Variants in BBS5 observed in about 807,000 individuals in gnomAD.
BBS5 encodes Bardet-Biedl syndrome 5, also known as BBSome complex member BBS5.
In BBS5, 39 loss-of-function variants were observed where a neutral mutation model predicts 50.2. The ratio of observed to expected loss-of-function variants is 0.78; its 90% CI spans 0.60 to 1.01. The LOEUF is 1.01. BBS5 is among the 50% of genes least tolerant of loss of function. The pLI is 0.00. For missense variants in BBS5, 356 were observed against 401.5 expected (o/e 0.89, Z 0.97); for synonymous variants, 134 against 133.1 (o/e 1.01, Z -0.05).
At chr2:169,479,916 C>G (rs1683359416) in intron 1 of BBS5, among the ~76,000 whole-genome samples, 1 of 152,232 alleles carries the variant, frequency 6.6e-6, no homozygotes, top group Non-Finnish European at 1.5e-5. Context: ...ACCGGGGCCA[C>G]CCGGGGCTTA....
rs181203064 is a variant in BBS5, at chr2:169,484,238, C to G, written c.142+1905C>G. 1.5e-3 allele frequency among the ~76,000 whole-genome samples: 221 copies of G among 152,156 alleles called. 1 individual carries two copies. The highest frequency in any genetic ancestry group is 5.0e-3 in the African/African-American group (207 of 41,502). On this transcript the variant is annotated intron_variant, in intron 2 of 11. Coordinates refer to ENST00000295240, the MANE Select transcript of BBS5 (RefSeq NM_152384.3). ...CTCTACAGAAAATAAAAAGAATTAG[C>G]CATGTGTGGTGTTGTGCGCCTGTGG... is the stretch of plus-strand genomic sequence containing the variant.
In BBS5 at chr2:169,505,349, A is replaced by C. The variant is rs1458431624; in HGVS notation, c.*767A>C. ...GCCTGCCTTGGCCTCCCGAAGTGCCAAGAGTGCAGCCTCTGCCCGGCCGCC... is the reference window on the plus strand; with the variant it reads ...GCCTGCCTTGGCCTCCCGAAGTGCCCAGAGTGCAGCCTCTGCCCGGCCGCC... On this transcript the variant is annotated 3_prime_UTR_variant, in exon 12 of 12. Transcript: ENST00000295240. 2 of 363,772 alleles carry C rather than the reference A, an allele frequency of 5.5e-6. No individual in the cohort carries two copies. Among genetic ancestry groups the C allele is most frequent in the Non-Finnish European group, 1.1e-5 (2 of 190,464 alleles). 22.5% of individuals were successfully genotyped at this position (363,772 alleles called of 1,614,324 possible).
In BBS5 at chr2:169,487,868, A is replaced by C. The variant is rs1220152282; in HGVS notation, c.258+13A>C. On this transcript the variant is annotated intron_variant, in intron 4 of 11. Coordinates refer to ENST00000295240, the MANE Select transcript of BBS5 (RefSeq NM_152384.3). ...GACTGCTAACTCTGTAAGTCTAAAA[A>C]ATCTTATTGCAATATATATATAGTA... The C allele has an allele frequency of 6.3e-7, 1 of 1,593,510 alleles. No homozygotes were observed. The highest frequency in any genetic ancestry group is 8.6e-7 in the Non-Finnish European group (1 of 1,162,090).
At chr2:169,503,042 C>T (rs1683837439) in intron 9 of BBS5, 53 bp from the exon 10 acceptor site, 3 of 1,308,964 alleles carry the variant, frequency 2.3e-6, no homozygotes, top group South Asian at 1.2e-5. Flanking sequence ...TTGCAGTTCT[C>T]ATGGTACATT....
At chr2:169,499,267 G>T in intron 8 of BBS5, 1 of 505,974 alleles carries the variant, frequency 2.0e-6, no homozygotes, top group Non-Finnish European at 3.5e-6. Context: ...TCCACATGTT[G>T]CTGCTTCTTG....
chr2:169,493,876 A>C (rs976791276), intron 7 of BBS5, 40 bp downstream of exon 7: 2 of 1,383,294 alleles, frequency 1.4e-6, no homozygotes, highest in Non-Finnish European at 2.0e-6. Flanking sequence ...TTAATGTAAA[A>C]TAAATATTTT....
chr2:169,499,266 T>C (rs1683753658), intron 8 of BBS5: 3 of 504,938 alleles, frequency 5.9e-6, no homozygotes, highest in Non-Finnish European at 1.1e-5. Flanking sequence ...GTCCACATGT[T>C]GCTGCTTCTT....
At chr2:169,501,967 G>A (rs1459364476) in intron 9 of BBS5, among the ~76,000 whole-genome samples, 2 of 152,054 alleles carry the variant, frequency 1.3e-5, no homozygotes, top group African/African-American at 2.4e-5. Context: ...CTACTCAAAT[G>A]CCATCTCTTC....
intron 5 of BBS5, among the ~76,000 whole-genome samples, chr2:169,490,966 A>G (rs1683586101): frequency 6.6e-6 from 1 of 152,068 alleles, no homozygotes; most frequent in East Asian, 1.9e-4. Context: ...AGGTCCATTC[A>G]TGTTGTAGCA....
At chr2:169,495,014 A>C (rs1307515942) in intron 7 of BBS5, among the ~76,000 whole-genome samples, 3 of 152,206 alleles carry the variant, frequency 2.0e-5, no homozygotes, top group Non-Finnish European at 4.4e-5. Context: ...AATTTCTGAT[A>C]ATTCATTCAT....
intron 8 of BBS5, chr2:169,499,248 A>G (rs940687445): frequency 2.9e-5 from 14 of 475,754 alleles, no homozygotes; most frequent in Non-Finnish European, 5.3e-5. Flanking sequence ...TACAGATGAA[A>G]CAGGGTTGTC....
intron 1 of BBS5, among the ~76,000 whole-genome samples, chr2:169,481,746 A>G (rs1229629482): frequency 3.3e-5 from 5 of 151,348 alleles, no homozygotes; most frequent in South Asian, 4.2e-4. Context: ...TTCTTTAACC[A>G]TTCCTTCTAT....
intron 9 of BBS5, 114 bp from the exon 10 acceptor site, chr2:169,502,981 C>T (rs1437701779): frequency 2.5e-6 from 2 of 788,910 alleles, no homozygotes; most frequent in Non-Finnish European, 4.3e-6. Context: ...ACAAATTATA[C>T]CGTGATTTTT....
At chr2:169,484,406 G>T (rs968551443) in intron 2 of BBS5, among the ~76,000 whole-genome samples, 6 of 152,110 alleles carry the variant, frequency 3.9e-5, no homozygotes, top group African/African-American at 1.4e-4. Context: ...AAATAACTGT[G>T]TGTGTGTGTG....
chr2:169,495,515 T>C (rs1368677999), intron 7 of BBS5, among the ~76,000 whole-genome samples: 8 of 152,216 alleles, frequency 5.3e-5, no homozygotes, highest in Non-Finnish European at 1.2e-4. Context: ...TAACTTCAGC[T>C]CTACACCTCA....
intron 5 of BBS5, among the ~76,000 whole-genome samples, chr2:169,489,692 C>G (rs1683556117): frequency 6.7e-6 from 1 of 150,204 alleles, no homozygotes; most frequent in Non-Finnish European, 1.5e-5. Context: ...TTAAACAAGC[C>G]CTAAGTGCTA....
intron 9 of BBS5, among the ~76,000 whole-genome samples, chr2:169,502,187 T>C (rs1683821605): frequency 6.6e-6 from 1 of 152,196 alleles, no homozygotes; most frequent in East Asian, 1.9e-4. Flanking sequence ...TGAATATTCA[T>C]AGTTGTTGGA....
chr2:169,489,851 CTTTTTTTTTTTTTTTTT>C (rs71003093), intron 5 of BBS5, among the ~76,000 whole-genome samples: 4 of 65,890 alleles, frequency 6.1e-5, no homozygotes, highest in African/African-American at 2.5e-4. Flanking sequence ...CATAAATTTC[CTTTTTTTTTTTTTTTTT>C]TTTTTTTTTT....
chr2:169,487,862 C>G lies in BBS5; in HGVS notation c.258+7C>G. 1 of 1,598,138 alleles carries G rather than the reference C, an allele frequency of 6.3e-7. No homozygotes were observed. Among genetic ancestry groups the G allele is most frequent in the Non-Finnish European group, 8.6e-7 (1 of 1,166,770 alleles). On this transcript the variant is annotated splice_region_variant and intron_variant, in intron 4 of 11. Coordinates refer to ENST00000295240, the MANE Select transcript of BBS5 (RefSeq NM_152384.3). ...AACAAGGACTGCTAACTCTGTAAGT[C>G]TAAAAAATCTTATTGCAATATATAT...
Sources: gnomAD v4.1 joint callset for allele counts (sites outside exome capture counted in the v4.1 genomes callset) on GRCh38, gnomAD v4.1.1 for gene constraint, MANE v1.5 for transcripts, NCBI Gene and HGNC (gene_info 2026-07-23, HGNC 2026-07-21) for gene names.